Variants in MEI1 observed in about 807,000 individuals in gnomAD.
MEI1 encodes meiotic double-stranded break formation protein 1, also known as meiosis inhibitor protein 1.
MEI1 carries 103 observed loss-of-function variants against 146.2 expected under a neutral mutation model. The observed-to-expected ratio is 0.70, with a 90% CI of 0.60 to 0.83. The LOEUF is 0.83. Among genes scored for constraint, MEI1 ranks in the 40% least tolerant of loss-of-function variants. The pLI, the probability that MEI1 is intolerant of heterozygous loss-of-function variation, is 0.00. For missense variants in MEI1, 1,529 were observed against 1,533.0 expected (o/e 1.00, Z 0.04); for synonymous variants, 652 against 628.2 (o/e 1.04, Z -0.57).
At chr22:41,713,281 G>A (rs1713557868) in intron 3 of MEI1, among the ~76,000 whole-genome samples, 1 of 151,986 alleles carries the variant, frequency 6.6e-6, no homozygotes, top group Non-Finnish European at 1.5e-5. Context: ...GATTACCCTG[G>A]GCAGTACAGA....
At chr22:41,778,164 T>A (rs1569308824) in intron 21 of MEI1, among the ~76,000 whole-genome samples, 1 of 152,186 alleles carries the variant, frequency 6.6e-6, no homozygotes, top group African/African-American at 2.4e-5. Context: ...GTCTTCTTAC[T>A]GTGTCCTCAC....
At chr22:41,775,035 C>T (rs1351222422) in intron 20 of MEI1, among the ~76,000 whole-genome samples, 1 of 152,218 alleles carries the variant, frequency 6.6e-6, no homozygotes, top group African/African-American at 2.4e-5. Context: ...TCATAACCCT[C>T]AGTCCTAACT....
At chr22:41,721,868 G>A (rs1290222757) in intron 6 of MEI1, among the ~76,000 whole-genome samples, 6 of 150,838 alleles carry the variant, frequency 4.0e-5, no homozygotes, top group African/African-American at 1.5e-4. Context: ...CTACAGGCGC[G>A]TGCTACCATG....
chr22:41,717,206 G>A (rs767610002), intron 5 of MEI1, among the ~76,000 whole-genome samples: 3 of 151,802 alleles, frequency 2.0e-5, no homozygotes, highest in Non-Finnish European at 2.9e-5. Context: ...AGACAGAACC[G>A]GGCTACAGCG....
At chr22:41,794,983 A>G (rs1482486819) in intron 28 of MEI1, among the ~76,000 whole-genome samples, 4 of 152,248 alleles carry the variant, frequency 2.6e-5, no homozygotes, top group African/African-American at 9.6e-5. Context: ...CAAAGAGGAA[A>G]GAGTAATTGC....
At chr22:41,770,613 T>C (rs2075122959) in intron 19 of MEI1, 73 bp from the exon 20 acceptor site, 1 of 1,415,858 alleles carries the variant, frequency 7.1e-7, no homozygotes, top group African/African-American at 1.4e-5. Context: ...TTCCTAGTCA[T>C]CTCTTGGCCA....
chr22:41,739,993 G>T (rs1001261256), intron 11 of MEI1, among the ~76,000 whole-genome samples: 2 of 151,664 alleles, frequency 1.3e-5, no homozygotes, highest in African/African-American at 4.8e-5. Context: ...TGGATAGGGG[G>T]CAGGTTATTA....
At chr22:41,726,236 G>GAA (rs2071345454) in intron 7 of MEI1, among the ~76,000 whole-genome samples, 1 of 145,874 alleles carries the variant, frequency 6.9e-6, no homozygotes, top group Non-Finnish European at 1.5e-5. Flanking sequence ...GAAAAGAAAA[G>GAA]AACTGACTTC....
At chr22:41,791,196 TC>T (rs1260605091) in intron 26 of MEI1, among the ~76,000 whole-genome samples, 6 of 152,024 alleles carry the variant, frequency 3.9e-5, no homozygotes, top group Admixed American at 6.6e-5. Flanking sequence ...GTTTGAAAGC[TC>T]TCTCTCGGGC....
At chr22:41,778,954 T>G in intron 22 of MEI1, 142 bp downstream of exon 22, 1 of 623,670 alleles carries the variant, frequency 1.6e-6, no homozygotes, top group East Asian at 2.8e-5. Flanking sequence ...CCCTAGGGTT[T>G]TCTTGCTAAA....
intron 11 of MEI1, among the ~76,000 whole-genome samples, chr22:41,740,838 G>T (rs2147723392): frequency 6.6e-6 from 1 of 152,234 alleles, no homozygotes; most frequent in South Asian, 2.1e-4. Flanking sequence ...GATGAAGAAG[G>T]AAAGGGGAAA....
intron 3 of MEI1, among the ~76,000 whole-genome samples, chr22:41,705,927 C>T (rs921652252): frequency 5.3e-5 from 8 of 152,026 alleles, no homozygotes; most frequent in Non-Finnish European, 1.0e-4. Context: ...AAGCTGGTCT[C>T]GAGCTCCTGA....
chr22:41,797,517 C>G (rs1044793324), intron 30 of MEI1, among the ~76,000 whole-genome samples: 1 of 151,990 alleles, frequency 6.6e-6, no homozygotes, highest in Non-Finnish European at 1.5e-5. Context: ...GAGGTTGAGA[C>G]AGGAGAACTG....
intron 11 of MEI1, 149 bp downstream of exon 11, chr22:41,732,752 A>T: frequency 3.9e-6 from 3 of 772,546 alleles, no homozygotes; most frequent in Non-Finnish European, 5.7e-6. Flanking sequence ...ACATCCATGG[A>T]TTCAACCAAC....
intron 6 of MEI1, among the ~76,000 whole-genome samples, chr22:41,721,156 G>A (rs889261683): frequency 4.8e-5 from 7 of 146,124 alleles, no homozygotes; most frequent in Non-Finnish European, 1.0e-4. Flanking sequence ...TTCATGATCC[G>A]CCCATCTCGG....
At position 41,781,757 on chromosome 22, in the gene MEI1, A is replaced by G; in HGVS notation, c.2999A>G (p.Lys1000Arg). The G allele has an allele frequency of 6.2e-7, 1 of 1,613,942 alleles. No individual in the cohort carries two copies. The highest frequency in any genetic ancestry group is 8.5e-7 in the Non-Finnish European group (1 of 1,179,882). The change falls in exon 24 of 31, where the codon AAG becomes AGG. Residue 1000 changes from lysine (K) to arginine (R), a missense_variant. Lys to Arg is a conservative substitution (Grantham distance 26, BLOSUM62 2). Around this residue, in one of 3 missense-constraint regions of MEI1, gnomAD observed 313 missense variants for 337.3 expected, o/e 0.93. Transcript: ENST00000401548. ...AAGATGCTGGCCCTCACCTTGGCAA[A>G]GGCAGATTCTCCCAGGACTGCACTC... is the stretch of plus-strand genomic sequence containing the variant. ...LEKMLALTLA[K>R]ADSPRTALLC... is the part of the protein sequence containing the mutation.
chr22:41,768,666 G>A (rs1194934209), intron 19 of MEI1, among the ~76,000 whole-genome samples: 1 of 152,096 alleles, frequency 6.6e-6, no homozygotes, highest in East Asian at 1.9e-4. Context: ...TATCTTATAT[G>A]GCTGGAGAAG....
At chr22:41,718,440 T>C (rs2070418059) in intron 6 of MEI1, among the ~76,000 whole-genome samples, 166 bp downstream of exon 6, 1 of 152,020 alleles carries the variant, frequency 6.6e-6, no homozygotes, top group Non-Finnish European at 1.5e-5. Flanking sequence ...ATGCCTAGAG[T>C]TGGTATGACA....
rs1232821469 is a variant in MEI1, at chr22:41,763,234, C to T, written c.2181C>T (p.Asp727=). 4.3e-6 allele frequency: 7 copies of T among 1,613,728 alleles called. No homozygotes were observed. The highest frequency in any genetic ancestry group is 5.9e-6 in the Non-Finnish European group (7 of 1,179,788). ...AVQSFLLSLQ[D]QGERPPLVVF... ...AAAGCTTCCTCCTGTCGCTGCAGGA[C>T]CAGGGCGAGCGCCCCCCACTGGTGG... Residue 727 remains aspartate (D), a synonymous_variant, in exon 19 of 31, where the codon GAC becomes GAT. Coordinates refer to ENST00000401548, the MANE Select transcript of MEI1 (RefSeq NM_152513.4).
Sources: gnomAD v4.1 joint callset for allele counts (sites outside exome capture counted in the v4.1 genomes callset) on GRCh38, gnomAD v4.1.1 for gene constraint, gnomAD v4.1.1 regional missense constraint, MANE v1.5 for transcripts, NCBI Gene and HGNC (gene_info 2026-07-23, HGNC 2026-07-21) for gene names.